The following ALDH1A2 variants were observed in gnomAD, a reference collection of about 807,000 sequenced individuals.
ALDH1A2 encodes aldehyde dehydrogenase 1 family member A2.
ALDH1A2 carries 27 observed loss-of-function variants against 60.3 expected under a neutral mutation model. The ratio of observed to expected loss-of-function variants is 0.45; its 90% CI spans 0.33 to 0.62. The LOEUF (loss-of-function observed/expected upper bound fraction) is 0.62, where lower values mean the gene tolerates loss of function less well. Ranked by LOEUF, ALDH1A2 falls within the 20% of genes least tolerant of loss-of-function variation. The probability of loss-of-function intolerance (pLI) is 0.02; values close to 1 mark genes in which losing one functional copy is unlikely to be tolerated. For synonymous variants in ALDH1A2, 289 were observed against 232.4 expected, an observed-to-expected ratio of 1.24 and a Z score of -2.21; for missense variants, 581 against 643.8, an observed-to-expected ratio of 0.90 and a Z score of 1.06.
intron 1 of ALDH1A2, among the ~76,000 whole-genome samples, chr15:58,021,842 G>C (rs756667664): frequency 6.6e-6 from 1 of 152,242 alleles, no homozygotes; most frequent in Non-Finnish European, 1.5e-5. Flanking sequence ...ATGTGTTGCT[G>C]AGATCTAAGA....
chr15:58,062,196 C>A (rs1421604933), intron 1 of ALDH1A2, among the ~76,000 whole-genome samples: 3 of 151,968 alleles, frequency 2.0e-5, no homozygotes, highest in African/African-American at 7.3e-5. Flanking sequence ...GTTTCAGCCC[C>A]ATATAATATC....
At chr15:57,976,881 A>G (rs1894277252) in intron 7 of ALDH1A2, among the ~76,000 whole-genome samples, 1 of 152,214 alleles carries the variant, frequency 6.6e-6, no homozygotes. Flanking sequence ...TCCCATCAAC[A>G]GTGTAAAAGC....
chr15:57,990,875 CAAA>C (rs34227301), intron 7 of ALDH1A2, among the ~76,000 whole-genome samples: 2 of 111,852 alleles, frequency 1.8e-5, no homozygotes, highest in South Asian at 3.2e-4. Flanking sequence ...AACTCCATCT[CAAA>C]AAAAAAAAAA....
At position 57,961,163 on chromosome 15, in the gene ALDH1A2, A is replaced by G; in HGVS notation, c.1383T>C (p.Ser461=). The change falls in exon 11 of 13, where the codon TCT becomes TCC. Residue 461 remains serine, a synonymous_variant. Coordinates refer to ENST00000249750, the MANE Select transcript of ALDH1A2 (RefSeq NM_003888.4). ...TNDINKALTV[S]SAMQAGTVWI... ...AAACAGTCCCAGCTTGCATTGCAGA[A>G]GACACTGTGAGGGCCTTGTTGATGT... 2 of 1,614,130 alleles carry G rather than the reference A, an allele frequency of 1.2e-6. No individual in the cohort carries two copies. Among genetic ancestry groups the G allele is most frequent in the Non-Finnish European group, 1.7e-6 (2 of 1,180,004 alleles).
intron 7 of ALDH1A2, among the ~76,000 whole-genome samples, chr15:57,987,969 C>T (rs1316685750): frequency 1.3e-5 from 2 of 150,994 alleles, no homozygotes; most frequent in Admixed American, 6.6e-5. Context: ...AGTAGACCTA[C>T]GCTACAAGAA....
chr15:57,958,214 G>GCGCACAGA (rs67551670), intron 12 of ALDH1A2, among the ~76,000 whole-genome samples: 76 of 151,818 alleles, frequency 5.0e-4, no homozygotes, highest in African/African-American at 1.7e-3. Context: ...GTACACGCAC[G>GCGCACAGA]CACACACACA....
chr15:57,979,136 G>A (rs1207319969), intron 7 of ALDH1A2, among the ~76,000 whole-genome samples: 1 of 152,094 alleles, frequency 6.6e-6, no homozygotes, highest in African/African-American at 2.4e-5. Flanking sequence ...ACTGGGCCCT[G>A]AGGCAGGTCT....
intron 7 of ALDH1A2, among the ~76,000 whole-genome samples, chr15:57,979,048 C>T (rs982548122): frequency 1.3e-5 from 2 of 152,056 alleles, no homozygotes; most frequent in Non-Finnish European, 2.9e-5. Flanking sequence ...ACTGAGGCCA[C>T]GGTGGTGGTG....
At chr15:58,003,947 G>T (rs1282395098) in intron 4 of ALDH1A2, among the ~76,000 whole-genome samples, 1 of 151,600 alleles carries the variant, frequency 6.6e-6, no homozygotes, top group Non-Finnish European at 1.5e-5. Context: ...GGAAATAATG[G>T]ATAGTGTTGT....
At chr15:58,006,055 G>T (rs1181851456) in intron 4 of ALDH1A2, among the ~76,000 whole-genome samples, 1 of 151,118 alleles carries the variant, frequency 6.6e-6, no homozygotes, top group African/African-American at 2.4e-5. Flanking sequence ...AGTTTTGGGA[G>T]TACAGGTGGT....
chr15:57,964,069 A>T lies in ALDH1A2; in HGVS notation c.902T>A (p.Leu301Ter). ...SPNIIFADADLDYAVEQAHQG... is the reference protein window; with the variant it reads ...SPNIIFADAD The stretch of plus-strand genomic sequence containing the variant: ...GTGGGCCTGCTCCACAGCATAGTCC[A>T]CTACAAGAGGAAACAGCCATGTTCT... The change falls in exon 9 of 13, where the codon TTG becomes TAG. Residue 301 changes from leucine (L) to a stop codon, truncating the protein, a stop_gained and splice_region_variant. Transcript: ENST00000249750. LOFTEE classifies it high-confidence loss of function. 1 of 1,614,002 alleles carries T rather than the reference A, an allele frequency of 6.2e-7. No homozygotes were observed. The highest frequency in any genetic ancestry group is 8.5e-7 in the Non-Finnish European group (1 of 1,179,980).
At chr15:58,061,052 C>G (rs948076842) in intron 1 of ALDH1A2, among the ~76,000 whole-genome samples, 14 of 152,272 alleles carry the variant, frequency 9.2e-5, no homozygotes, top group African/African-American at 2.9e-4. Context: ...ATCCTCTACT[C>G]TGAAATACAA....
At chr15:58,045,175 A>G (rs1340570888) in intron 1 of ALDH1A2, among the ~76,000 whole-genome samples, 2 of 152,152 alleles carry the variant, frequency 1.3e-5, no homozygotes, top group Non-Finnish European at 2.9e-5. Context: ...AGAGAAATGC[A>G]AATCAAAGCC....
chr15:58,057,313 G>GATAT (rs34310360), intron 1 of ALDH1A2, among the ~76,000 whole-genome samples: 1 of 149,772 alleles, frequency 6.7e-6, no homozygotes, highest in African/African-American at 2.5e-5. Flanking sequence ...ATTACAGAAG[G>GATAT]ATATATATAT....
intron 7 of ALDH1A2, chr15:57,990,278 G>A (rs1186677050): frequency 6.6e-6 from 1 of 152,012 alleles, no homozygotes; most frequent in African/African-American, 2.4e-5. Flanking sequence ...ATATCCAACT[G>A]AGCATCTAAT....
chr15:57,985,382 G>A (rs1254000572), intron 7 of ALDH1A2, among the ~76,000 whole-genome samples: 1 of 152,074 alleles, frequency 6.6e-6, no homozygotes, highest in East Asian at 1.9e-4. Context: ...CTCCCTTCTT[G>A]AGATGCTGAT....
chr15:57,974,560 G>A (rs1344225462), intron 7 of ALDH1A2, among the ~76,000 whole-genome samples: 4 of 151,728 alleles, frequency 2.6e-5, no homozygotes, highest in African/African-American at 9.7e-5. Flanking sequence ...AATGGTGCAG[G>A]AACTATTGTC....
intron 1 of ALDH1A2, among the ~76,000 whole-genome samples, chr15:58,058,980 G>C (rs866439148): frequency 6.6e-6 from 1 of 152,038 alleles, no homozygotes; most frequent in Non-Finnish European, 1.5e-5. Flanking sequence ...TATTCCAACT[G>C]GAATTTTCAA....
intron 9 of ALDH1A2, among the ~76,000 whole-genome samples, chr15:57,963,284 G>C (rs941322513): frequency 1.2e-4 from 18 of 151,960 alleles, no homozygotes; most frequent in Admixed American, 1.0e-3. Context: ...GACCCATCTT[G>C]TCATACTCAT....
Sources: gnomAD v4.1 joint callset for allele counts (sites outside exome capture counted in the v4.1 genomes callset) on GRCh38, gnomAD v4.1.1 for gene constraint, MANE v1.5 for transcripts, NCBI Gene and HGNC (gene_info 2026-07-23, HGNC 2026-07-21) for gene names.